Variants in SDK1 observed in about 807,000 individuals in gnomAD.
SDK1 encodes the protein protein sidekick-1.
A neutral mutation model predicts 245.5 loss-of-function variants in SDK1; 157 were observed. That is an observed-to-expected ratio of 0.64 (90% confidence interval 0.56 to 0.73). SDK1 has a LOEUF of 0.73. SDK1 is among the 30% of genes least tolerant of loss of function. SDK1 has a pLI of 0.00. For synonymous variants in SDK1, 1,647 were observed against 1,278.5 expected, an observed-to-expected ratio of 1.29 and a Z score of -6.15; for missense variants, 3,583 against 3,002.3, an observed-to-expected ratio of 1.19 and a Z score of -4.52.
chr7:3,722,769 C>T (rs1307014700), intron 4 of SDK1, among the ~76,000 whole-genome samples: 3 of 152,168 alleles, frequency 2.0e-5, no homozygotes, highest in Admixed American at 6.5e-5. Context: ...GGCTCAGCAC[C>T]GCCCTCTGTC....
Position 4,265,267 on chromosome 7 carries a change from C to A in SDK1, c.6525C>A (p.Gly2175=). 6.3e-7 allele frequency: 1 copy of A among 1,596,284 alleles called. No individual in the cohort carries two copies. ...CGCACAGGTACGAGGCGGTGGCGGGCTCCGAGGCGGGCGCGCAGCTGCACC... is the reference window on the plus strand; with the variant it reads ...CGCACAGGTACGAGGCGGTGGCGGGATCCGAGGCGGGCGCGCAGCTGCACC... The part of the protein sequence containing the change: ...PAPHRYEAVA[G]SEAGAQLHPV... The change falls in exon 45 of 45, where the codon GGC becomes GGA. Residue 2175 remains glycine (G), a synonymous_variant. Transcript: ENST00000404826.
At chr7:3,415,672 AC>A in intron 1 of SDK1, among the ~76,000 whole-genome samples, 1 of 150,868 alleles carries the variant, frequency 6.6e-6, no homozygotes, top group East Asian at 1.9e-4. Flanking sequence ...TGAGCTGCAA[AC>A]CCATGCCAGT....
rs373497558 is a variant in SDK1 at position 3,969,169 on chromosome 7, A to G, written c.1547-88A>G. The G allele has an allele frequency of 6.5e-5, 81 of 1,243,416 alleles. No individual in the cohort carries two copies. The African/African-American group carries it at 8.6e-4, about 13-fold the overall frequency. 77.0% of individuals were successfully genotyped at this position (1,243,416 alleles called of 1,614,324 possible). On this transcript the variant is annotated intron_variant, in intron 10 of 44. Coordinates refer to ENST00000404826, the MANE Select transcript of SDK1 (RefSeq NM_152744.4). ...TTGGGTGGGGACACGGAGCCGAACC[A>G]TATTACTTGCTTATGGCTCTAACCA...
intron 1 of SDK1, among the ~76,000 whole-genome samples, chr7:3,606,117 T>A (rs915573490): frequency 2.0e-5 from 3 of 152,214 alleles, no homozygotes; most frequent in Admixed American, 6.5e-5. Flanking sequence ...GAGCTCTTGT[T>A]CTTTTCCTCT....
intron 35 of SDK1, among the ~76,000 whole-genome samples, chr7:4,180,417 TGCCCAGC>T (rs1216185529): frequency 6.6e-6 from 1 of 150,818 alleles, no homozygotes; most frequent in Non-Finnish European, 1.5e-5. Flanking sequence ...TCCAGCTCTA[TGCCCAGC>T]GCCCAGCTCC....
rs74712606 is a variant in SDK1, at chr7:3,304,598, G to T, written c.298+2714G>T. Among the ~76,000 whole-genome samples the T allele has an allele frequency of 5.2e-3, 790 of 152,248 alleles. 11 individuals are homozygous for T. The highest frequency in any genetic ancestry group is 0.017 in the African/African-American group (725 of 41,530). On this transcript the variant is annotated intron_variant, in intron 1 of 44. Transcript: ENST00000404826. Reference sequence around the variant, plus strand: ...TGAAATTGTCTCCACTTGGACCTATGGTTCTCCAGCTTTGGTATGTGTTAG... The same window carrying T: ...TGAAATTGTCTCCACTTGGACCTATTGTTCTCCAGCTTTGGTATGTGTTAG...
intron 8 of SDK1, among the ~76,000 whole-genome samples, chr7:3,961,949 G>A (rs747105965): frequency 6.6e-6 from 1 of 151,648 alleles, no homozygotes; most frequent in Non-Finnish European, 1.5e-5. Flanking sequence ...ACACGCACAT[G>A]TATACGCATA....
chr7:4,087,053 C>CT (rs553733774), intron 22 of SDK1, among the ~76,000 whole-genome samples: 121 of 150,738 alleles, frequency 8.0e-4, no homozygotes, highest in African/African-American at 2.8e-3. Context: ...AAATTGAAGT[C>CT]TAATTTATGA....
intron 1 of SDK1, among the ~76,000 whole-genome samples, chr7:3,513,196 G>T (rs966107405): frequency 2.0e-5 from 3 of 152,128 alleles, no homozygotes; most frequent in African/African-American, 4.8e-5. Context: ...ATGTTTTTCA[G>T]TTCTCCCAGC....
intron 5 of SDK1, among the ~76,000 whole-genome samples, chr7:3,906,050 T>G (rs1478378193): frequency 6.6e-6 from 1 of 152,198 alleles, no homozygotes; most frequent in Non-Finnish European, 1.5e-5. Context: ...TCTCTTCCCA[T>G]TCATCGTTTC....
chr7:3,511,263 C>T (rs907477954), intron 1 of SDK1, among the ~76,000 whole-genome samples: 3 of 152,198 alleles, frequency 2.0e-5, no homozygotes, highest in Non-Finnish European at 4.4e-5. Context: ...GAAAACTTTT[C>T]TATAGTTAGA....
intron 5 of SDK1, among the ~76,000 whole-genome samples, chr7:3,833,135 C>CA (rs561250893): frequency 3.3e-5 from 5 of 152,062 alleles, no homozygotes; most frequent in Admixed American, 2.6e-4. Context: ...ATACAAATGT[C>CA]AAAACTGGAA....
intron 35 of SDK1, among the ~76,000 whole-genome samples, chr7:4,195,456 C>T (rs1004226579): frequency 6.6e-6 from 1 of 152,178 alleles, no homozygotes; most frequent in African/African-American, 2.4e-5. Flanking sequence ...CGTCACTCTC[C>T]ATCCTCAGCT....
rs188170961 is a variant in SDK1, at chr7:3,693,558, T to A, written c.713+51453T>A. ...TTGTATCTTCCTGTGACCTTTGATATGTTTTTTTCATAGATGCCATGTTTT... is the reference window on the plus strand; with the variant it reads ...TTGTATCTTCCTGTGACCTTTGATAAGTTTTTTTCATAGATGCCATGTTTT... On this transcript the variant is annotated intron_variant, in intron 4 of 44. Coordinates refer to ENST00000404826, the MANE Select transcript of SDK1 (RefSeq NM_152744.4). 1.3e-3 allele frequency among the ~76,000 whole-genome samples: 198 copies of A among 152,372 alleles called. 1 individual carries two copies. Among genetic ancestry groups the A allele is most frequent in the African/African-American group, 4.6e-3 (192 of 41,584 alleles).
At chr7:4,213,797 G>T (rs1048893725) in intron 38 of SDK1, among the ~76,000 whole-genome samples, 1 of 152,168 alleles carries the variant, frequency 6.6e-6, no homozygotes, top group Non-Finnish European at 1.5e-5. Context: ...TGTGTTTTCA[G>T]TGTTGCCGTT....
chr7:3,561,178 CATCCTG>C (rs1246113075), intron 1 of SDK1, among the ~76,000 whole-genome samples: 1 of 152,162 alleles, frequency 6.6e-6, no homozygotes, highest in Non-Finnish European at 1.5e-5. Flanking sequence ...ATCTTTGCTT[CATCCTG>C]ATCTGTCTCC....
chr7:4,235,892 C>A (rs1194596538), intron 41 of SDK1, among the ~76,000 whole-genome samples: 3 of 152,256 alleles, frequency 2.0e-5, no homozygotes, highest in Admixed American at 2.0e-4. Context: ...TCCTCCAGGA[C>A]AGCCCGGCCT....
chr7:4,257,391 C>G (rs915333386), intron 44 of SDK1, among the ~76,000 whole-genome samples: 15 of 152,158 alleles, frequency 9.9e-5, no homozygotes, highest in African/African-American at 3.6e-4. Context: ...GGAAACTTAC[C>G]AAAAACAGAC....
chr7:3,936,366 G>A (rs992210843), intron 5 of SDK1, among the ~76,000 whole-genome samples: 11 of 152,148 alleles, frequency 7.2e-5, no homozygotes, highest in South Asian at 4.1e-4. Context: ...CGGATCACAA[G>A]GTCAGGAGAT....
Sources: gnomAD v4.1 joint callset for allele counts (sites outside exome capture counted in the v4.1 genomes callset) on GRCh38, gnomAD v4.1.1 for gene constraint, MANE v1.5 for transcripts, NCBI Gene and HGNC (gene_info 2026-07-23, HGNC 2026-07-21) for gene names.